Variants in PXDNL observed in about 807,000 individuals in gnomAD.
PXDNL encodes the protein probable oxidoreductase PXDNL.
In PXDNL, 145 loss-of-function variants were observed where a neutral mutation model predicts 150.8. The observed-to-expected ratio is 0.96, with a 90% CI of 0.84 to 1.10. PXDNL has a LOEUF of 1.10. Ranked by LOEUF, PXDNL falls within the 50% of genes least tolerant of loss-of-function variation. PXDNL has a pLI of 0.00. For missense variants in PXDNL, 2,087 were observed against 1,873.9 expected (o/e 1.11, Z -2.10); for synonymous variants, 757 against 725.7 (o/e 1.04, Z -0.69).
At chr8:51,320,925 G>A in intron 21 of PXDNL, 28 bp from the exon 22 acceptor site, 1 of 1,548,748 alleles carries the variant, frequency 6.5e-7, no homozygotes. Context: ...GGAAAGAAGA[G>A]TGGAAATTGA....
intron 1 of PXDNL, among the ~76,000 whole-genome samples, chr8:51,806,515 T>C (rs2037676795): frequency 6.6e-6 from 1 of 152,204 alleles, no homozygotes; most frequent in African/African-American, 2.4e-5. Context: ...AATGCAATCC[T>C]ACATCAAGGA....
chr8:51,479,767 C>T (rs1385021452), intron 6 of PXDNL, among the ~76,000 whole-genome samples: 1 of 152,102 alleles, frequency 6.6e-6, no homozygotes, highest in Non-Finnish European at 1.5e-5. Flanking sequence ...GGGTGCAGTG[C>T]ACACTATTAA....
chr8:51,796,036 G>C, intron 1 of PXDNL, among the ~76,000 whole-genome samples: 1 of 152,174 alleles, frequency 6.6e-6, no homozygotes, highest in East Asian at 1.9e-4. Flanking sequence ...CTTAAGGTAA[G>C]GATCAGGTTG....
intron 21 of PXDNL, among the ~76,000 whole-genome samples, chr8:51,324,579 T>C (rs1585999534): frequency 6.6e-6 from 1 of 152,242 alleles, no homozygotes; most frequent in East Asian, 1.9e-4. Flanking sequence ...GATGTTTTAT[T>C]ATAATCCCAC....
At chr8:51,780,169 G>A (rs1217498967) in intron 1 of PXDNL, among the ~76,000 whole-genome samples, 6 of 152,084 alleles carry the variant, frequency 3.9e-5, no homozygotes, top group Middle Eastern at 3.4e-3. Flanking sequence ...CCAGGATCAC[G>A]CTGCTGCACT....
intron 1 of PXDNL, among the ~76,000 whole-genome samples, chr8:51,723,470 A>T (rs1211068790): frequency 6.6e-6 from 1 of 152,212 alleles, no homozygotes; most frequent in Non-Finnish European, 1.5e-5. Flanking sequence ...CACGGGCGAT[A>T]TCAGCCTCAA....
intron 1 of PXDNL, among the ~76,000 whole-genome samples, chr8:51,778,787 T>G (rs567356645): frequency 6.6e-6 from 1 of 152,240 alleles, no homozygotes; most frequent in African/African-American, 2.4e-5. Context: ...ATAACTGCTA[T>G]GTCTTCTTTT....
intron 8 of PXDNL, among the ~76,000 whole-genome samples, chr8:51,461,372 G>A (rs1261374311): frequency 6.6e-6 from 1 of 152,250 alleles, no homozygotes; most frequent in Non-Finnish European, 1.5e-5. Flanking sequence ...GAGCTCCATG[G>A]CCTGAAACAC....
chr8:51,324,282 T>G (rs910475350), intron 21 of PXDNL, among the ~76,000 whole-genome samples: 2 of 152,218 alleles, frequency 1.3e-5, no homozygotes, highest in Admixed American at 6.5e-5. Context: ...TTTTCTTGAC[T>G]TATTGCACTG....
chr8:51,623,919 C>A (rs978075157), intron 2 of PXDNL, among the ~76,000 whole-genome samples: 1 of 151,856 alleles, frequency 6.6e-6, no homozygotes, highest in African/African-American at 2.4e-5. Context: ...CAGAGGGAGA[C>A]CCCATCTCTA....
At chr8:51,497,234 G>T (rs1469789491) in intron 5 of PXDNL, among the ~76,000 whole-genome samples, 1 of 152,176 alleles carries the variant, frequency 6.6e-6, no homozygotes, top group Non-Finnish European at 1.5e-5. Context: ...CTAGCCATAT[G>T]TAGAAAGCTG....
chr8:51,674,570 G>A (rs751895961), intron 1 of PXDNL, among the ~76,000 whole-genome samples: 40 of 152,286 alleles, frequency 2.6e-4, no homozygotes, highest in South Asian at 6.2e-4. Context: ...CACTGAAATG[G>A]GTTATATCAT....
intron 1 of PXDNL, among the ~76,000 whole-genome samples, chr8:51,696,606 C>T (rs980856153): frequency 8.0e-6 from 1 of 124,244 alleles, no homozygotes; most frequent in Non-Finnish European, 1.7e-5. Context: ...TTCTCTGTGC[C>T]GACAGGAAAC....
intron 17 of PXDNL, among the ~76,000 whole-genome samples, chr8:51,391,250 T>C (rs995968523): frequency 5.9e-5 from 9 of 152,210 alleles, no homozygotes; most frequent in Non-Finnish European, 1.0e-4. Context: ...CCTTTGGGTA[T>C]ATACCCAGTA....
chr8:51,372,983 G>T (rs1435014536), intron 18 of PXDNL, among the ~76,000 whole-genome samples: 1 of 152,172 alleles, frequency 6.6e-6, no homozygotes, highest in Non-Finnish European at 1.5e-5. Context: ...GCTGAGTATA[G>T]AGCAGGAAAT....
chr8:51,809,327 G>T lies in PXDNL; in HGVS notation c.18C>A (p.Phe6Leu). ...CCAGGAGAAAGAGAGTGGTCCAGCA[G>T]AACAGTCTGGGCTCCATCGCTCCAT... MEPRL[F>L]CWTTLFLLAG... is the part of the protein sequence containing the mutation. Residue 6 changes from phenylalanine to leucine, a missense_variant, in exon 1 of 23, where the codon TTC becomes TTA. Physicochemically the swap from Phe to Leu is conservative, Grantham distance 22. Transcript: ENST00000356297. 1.3e-6 allele frequency: 2 copies of T among 1,560,428 alleles called. No individual in the cohort carries two copies. Among genetic ancestry groups the T allele is most frequent in the Middle Eastern group, 1.7e-4 (1 of 5,722 alleles).
At chr8:51,738,705 T>C (rs949957821) in intron 1 of PXDNL, among the ~76,000 whole-genome samples, 2 of 152,096 alleles carry the variant, frequency 1.3e-5, no homozygotes, top group South Asian at 2.1e-4. Flanking sequence ...AATAAACAAA[T>C]TGAGTAGTCC....
chr8:51,655,015 G>A (rs1224741211), intron 1 of PXDNL, among the ~76,000 whole-genome samples: 1 of 152,154 alleles, frequency 6.6e-6, no homozygotes, highest in Non-Finnish European at 1.5e-5. Flanking sequence ...ATAGAGCTCT[G>A]CAAAGTGTTA....
chr8:51,637,187 T>C (rs1423675950), intron 2 of PXDNL, among the ~76,000 whole-genome samples: 2 of 151,978 alleles, frequency 1.3e-5, no homozygotes, highest in East Asian at 3.9e-4. Context: ...CAAAACCCCA[T>C]CTGTATGTTA....
Sources: gnomAD v4.1 joint callset for allele counts (sites outside exome capture counted in the v4.1 genomes callset) on GRCh38, gnomAD v4.1.1 for gene constraint, MANE v1.5 for transcripts, NCBI Gene and HGNC (gene_info 2026-07-23, HGNC 2026-07-21) for gene names.